ZNF831: variants seen among roughly 807,000 people sequenced by gnomAD.
ZNF831 encodes chromosome 20 open reading frame 174.
Under a neutral mutation model 95.8 loss-of-function variants are expected in ZNF831, and 59 were observed. The observed-to-expected ratio is 0.62, with a 90% confidence interval of 0.50 to 0.77. The LOEUF is 0.77. ZNF831 is among the 30% of genes least tolerant of loss of function. The pLI, the probability that ZNF831 is intolerant of heterozygous loss-of-function variation, is 0.00. For synonymous variants in ZNF831, 961 were observed against 925.5 expected (o/e 1.04, Z -0.70); for missense variants, 2,205 against 2,164.0 (o/e 1.02, Z -0.38).
intron 2 of ZNF831, among the ~76,000 whole-genome samples, chr20:59,150,580 G>A (rs141935226): frequency 5.3e-5 from 8 of 152,272 alleles, no homozygotes; most frequent in Admixed American, 3.3e-4. Flanking sequence ...GGGACCCACC[G>A]TATGAGACTC....
rs1490835711 is a variant in ZNF831 at position 59,192,699 on chromosome 20, C to G, written c.1680C>G (p.Ala560=). 1.6e-5 allele frequency: 25 copies of G among 1,589,356 alleles called. No homozygotes were observed. The highest frequency in any genetic ancestry group is 2.1e-5 in the Non-Finnish European group (25 of 1,169,370). Residue 560 remains alanine, a synonymous_variant, in exon 2 of 6, where the codon GCC becomes GCG. Coordinates refer to ENST00000371030, the MANE Select transcript of ZNF831 (RefSeq NM_178457.3). The surrounding 1 kb of genome is among the most constrained non-coding windows in gnomAD (Gnocchi z 5.2). ...ACGTTCCCAGTGGGCATCCCCGGGC[C>G]CTGGTCAGACAGGCCGCGGTGGAGG... ...STDVPSGHPR[A]LVRQAAVEDL... is the part of the protein sequence containing the mutation.
chr20:59,130,257 T>G (rs1357699849), intron 1 of ZNF831, among the ~76,000 whole-genome samples: 1 of 152,208 alleles, frequency 6.6e-6, no homozygotes, highest in Non-Finnish European at 1.5e-5. Context: ...GCATAGCATT[T>G]AAGCCGGGCC....
In ZNF831 at chr20:59,192,287, A is replaced by G. The variant is rs1983636075; in HGVS notation, c.1268A>G (p.Gln423Arg). The G allele has an allele frequency of 6.3e-7, 1 of 1,590,082 alleles. No homozygotes were observed. Among genetic ancestry groups the G allele is most frequent in the South Asian group, 1.1e-5 (1 of 87,942 alleles). ...AACCAGGCGGTGGTGGACGATGCCC[A>G]GCTGGACAACGTGCGGCCCCGGAAG... ...SHNQAVVDDAQLDNVRPRKTG... is the reference protein window; with the variant it reads ...SHNQAVVDDARLDNVRPRKTG... The change falls in exon 2 of 6, where the codon CAG becomes CGG. Residue 423 changes from glutamine (Q) to arginine (R), a missense_variant. Coordinates refer to ENST00000371030, the MANE Select transcript of ZNF831 (RefSeq NM_178457.3). The surrounding 1 kb of genome is among the most constrained non-coding windows in gnomAD (Gnocchi z 5.2).
chr20:59,204,209 G>T (rs1251773834), intron 3 of ZNF831, among the ~76,000 whole-genome samples: 3 of 152,242 alleles, frequency 2.0e-5, no homozygotes, highest in African/African-American at 7.2e-5. Context: ...AATTCTATTA[G>T]CAGATAGTGT....
upstream of ZNF831, among the ~76,000 whole-genome samples, chr20:59,161,920 A>T (rs754767054): frequency 2.6e-5 from 4 of 152,134 alleles, no homozygotes; most frequent in Admixed American, 6.5e-5. Context: ...AACCTCACCA[A>T]CATCTGTTAT....
chr20:59,191,361 G>A lies in ZNF831; in HGVS notation c.342G>A (p.Thr114=), dbSNP rs767382644. 2 of 1,608,144 alleles carry A rather than the reference G, an allele frequency of 1.2e-6. No individual in the cohort carries two copies. The highest frequency in any genetic ancestry group is 1.7e-6 in the Non-Finnish European group (2 of 1,177,272). The change falls in exon 2 of 6, where the codon ACG becomes ACA. Residue 114 remains threonine, a synonymous_variant. Coordinates refer to ENST00000371030, the MANE Select transcript of ZNF831 (RefSeq NM_178457.3). ...GGAAGCCGGCGGCCCCTACGCTGAC[G>A]GTGAACATCGTGGGCACTCTGCCTG... ...QVGKPAAPTL[T]VNIVGTLPVL...
chr20:59,205,395 C>T (rs753417006), intron 3 of ZNF831, among the ~76,000 whole-genome samples: 4 of 152,176 alleles, frequency 2.6e-5, no homozygotes, highest in Non-Finnish European at 5.9e-5. Context: ...GCCTCCCCCA[C>T]CAAACTAACC....
At chr20:59,253,443 C>G (rs556561312) in intron 5 of ZNF831, among the ~76,000 whole-genome samples, 3 of 152,228 alleles carry the variant, frequency 2.0e-5, no homozygotes, top group East Asian at 1.9e-4. Context: ...TGAAGCCCCC[C>G]CAGACAGACT....
At chr20:59,175,502 G>A (rs972563534) in intron 1 of ZNF831, among the ~76,000 whole-genome samples, 6 of 151,658 alleles carry the variant, frequency 4.0e-5, no homozygotes, top group Non-Finnish European at 5.9e-5. Flanking sequence ...CAAGTTCACC[G>A]ATTCTTTTTT....
rs114373091 is a variant in ZNF831 at position 59,252,108 on chromosome 20, A to G, written c.4028-870A>G. Among the ~76,000 whole-genome samples the G allele has an allele frequency of 5.4e-3, 823 of 152,316 alleles. 9 individuals are homozygous for G. The highest frequency in any genetic ancestry group is 0.018 in the African/African-American group (765 of 41,564). Reference sequence around the variant, plus strand: ...TACTTCCACAAAATGTAGTTCTATAACAATGTTATCAGACATGAAGGAGCT... The same window carrying G: ...TACTTCCACAAAATGTAGTTCTATAGCAATGTTATCAGACATGAAGGAGCT... On this transcript the variant is annotated intron_variant, in intron 4 of 5. Coordinates refer to ENST00000371030, the MANE Select transcript of ZNF831 (RefSeq NM_178457.3).
intron 1 of ZNF831, among the ~76,000 whole-genome samples, chr20:59,139,333 T>C (rs1447034519): frequency 6.6e-6 from 1 of 152,190 alleles, no homozygotes; most frequent in Non-Finnish European, 1.5e-5. Flanking sequence ...ACTTACTGTA[T>C]TTCATTATCT....
At chr20:59,126,979 C>T (rs1422808214) in intron 1 of ZNF831, among the ~76,000 whole-genome samples, 1 of 152,172 alleles carries the variant, frequency 6.6e-6, no homozygotes, top group African/African-American at 2.4e-5. Flanking sequence ...ATATTTCTGC[C>T]TGGGTTGCTG....
chr20:59,193,109 C>T lies in ZNF831; in HGVS notation c.2090C>T (p.Pro697Leu), dbSNP rs761751767. 4.4e-6 allele frequency: 7 copies of T among 1,592,126 alleles called. No homozygotes were observed. Among genetic ancestry groups the T allele is most frequent in the South Asian group, 2.3e-5 (2 of 88,804 alleles). Residue 697 changes from proline (P) to leucine (L), a missense_variant, in exon 2 of 6, where the codon CCA becomes CTA. Coordinates refer to ENST00000371030, the MANE Select transcript of ZNF831 (RefSeq NM_178457.3). ...ACGCCAGAGCCTTGGGGAAATCCACCAGCCCTGGAGGCCTCCTTGGTGACT... is the reference window on the plus strand; with the variant it reads ...ACGCCAGAGCCTTGGGGAAATCCACTAGCCCTGGAGGCCTCCTTGGTGACT... Reference protein sequence around the residue: ...GATPEPWGNPPALEASLVTEP... With the variant: ...GATPEPWGNPLALEASLVTEP...
chr20:59,244,742 C>T (rs910051180), intron 4 of ZNF831, among the ~76,000 whole-genome samples: 89 of 152,164 alleles, frequency 5.8e-4, no homozygotes, highest in African/African-American at 1.8e-3. Flanking sequence ...GTAGTAATCG[C>T]CAATTCTTTT....
rs1346452472 is a variant in ZNF831 at position 59,207,028 on chromosome 20, C to T, written c.3999C>T (p.Thr1333=). 1.2e-6 allele frequency: 2 copies of T among 1,614,060 alleles called. No individual in the cohort carries two copies. The highest frequency in any genetic ancestry group is 1.1e-5 in the South Asian group (1 of 91,084). Residue 1333 remains threonine (T), a synonymous_variant, in exon 4 of 6, where the codon ACC becomes ACT. Transcript: ENST00000371030. ...TTGAGGGACTGAAGCCATGCAGGACCCCTGGGCAGACCTCTTCAGAAATAG... is the reference window on the plus strand; with the variant it reads ...TTGAGGGACTGAAGCCATGCAGGACTCCTGGGCAGACCTCTTCAGAAATAG... ...PALEGLKPCR[T]PGQTSSEIAG...
intron 3 of ZNF831, among the ~76,000 whole-genome samples, chr20:59,206,488 A>T (rs1984901476): frequency 6.6e-6 from 1 of 152,260 alleles, no homozygotes; most frequent in Non-Finnish European, 1.5e-5. Flanking sequence ...ACTACATTTC[A>T]AATGCACAAT....
chr20:59,250,401 T>A (rs145511242), intron 4 of ZNF831, among the ~76,000 whole-genome samples: 8 of 152,308 alleles, frequency 5.3e-5, no homozygotes, highest in African/African-American at 1.9e-4. Flanking sequence ...TGCAGATAAC[T>A]ACTTCAGGGT....
intron 1 of ZNF831, among the ~76,000 whole-genome samples, chr20:59,183,942 A>G (rs1982815073): frequency 6.6e-6 from 1 of 152,148 alleles, no homozygotes; most frequent in African/African-American, 2.4e-5. Flanking sequence ...TTGGTATTGC[A>G]TGTTCCATGA....
chr20:59,149,084 A>G (rs1980068767), intron 2 of ZNF831, among the ~76,000 whole-genome samples: 2 of 152,180 alleles, frequency 1.3e-5, no homozygotes, highest in South Asian at 4.1e-4. Context: ...GTGGCCACAG[A>G]TGAATAGGAT....
Sources: gnomAD v4.1 joint callset for allele counts (sites outside exome capture counted in the v4.1 genomes callset) on GRCh38, gnomAD v4.1.1 for gene constraint, Gnocchi (gnomAD v3.1) non-coding constraint, MANE v1.5 for transcripts, NCBI Gene and HGNC (gene_info 2026-07-23, HGNC 2026-07-21) for gene names.